Variants in EP400 observed in about 807,000 individuals in gnomAD.
EP400 encodes E1A-binding protein p400.
A neutral mutation model predicts 354.1 loss-of-function variants in EP400; 105 were observed. The observed-to-expected ratio is 0.30, with a 90% confidence interval of 0.25 to 0.35. The LOEUF (loss-of-function observed/expected upper bound fraction) is 0.35, where lower values mean the gene tolerates loss of function less well. EP400 is among the 10% of genes least tolerant of loss of function. The pLI, the probability that EP400 is intolerant of heterozygous loss-of-function variation, is 1.00. For synonymous variants in EP400, 1,646 were observed against 1,716.9 expected (o/e 0.96, Z 1.02); for missense variants, 3,280 against 4,121.0 (o/e 0.80, Z 5.59).
chr12:132,077,154 G>C (rs1296043952), intron 52 of EP400, among the ~76,000 whole-genome samples: 2 of 152,212 alleles, frequency 1.3e-5, no homozygotes, highest in African/African-American at 4.8e-5. Context: ...ATCAGTCCCT[G>C]ACCCAGCTCT....
chr12:132,009,830 A>ATTTTTTT (rs35513772), intron 15 of EP400, among the ~76,000 whole-genome samples: 1 of 79,722 alleles, frequency 1.3e-5, no homozygotes, highest in Non-Finnish European at 2.3e-5. Context: ...CGCCTGGCTA[A>ATTTTTTT]TTTTTTTTTT....
Position 131,981,487 on chromosome 12 carries a change from A to T in EP400, c.1436-2A>T. 1.3e-6 allele frequency: 2 copies of T among 1,562,432 alleles called. No individual in the cohort carries two copies. Among genetic ancestry groups the T allele is most frequent in the Non-Finnish European group, 1.7e-6 (2 of 1,152,368 alleles). ...CTGCACCTTTTTTGAAAATTATTCT[A>T]GAGCAGTCTAAGAGGCCTCGCCTTG... On this transcript the variant is annotated splice_acceptor_variant, in intron 3 of 52. Transcript: ENST00000389561. LOFTEE classifies it high-confidence loss of function.
Position 132,027,608 on chromosome 12 carries a change from A to C in EP400, c.5109+77A>C. Reference sequence around the variant, plus strand: ...GAGCTGCTCGTTGTGTTTGGTTGTGATATTTAAAGGCTCCTGTGAATTCTC... The same window carrying C: ...GAGCTGCTCGTTGTGTTTGGTTGTGCTATTTAAAGGCTCCTGTGAATTCTC... On this transcript the variant is annotated intron_variant, in intron 26 of 52. Transcript: ENST00000389561. This position sits in a 1 kb window ranked among gnomAD's most constrained non-coding sequence, Gnocchi z 4.9. 1 of 1,204,320 alleles carries C rather than the reference A, an allele frequency of 8.3e-7. No homozygotes were observed. The highest frequency in any genetic ancestry group is 1.2e-6 in the Non-Finnish European group (1 of 863,764). The allele number at this position is 1,204,320 out of a possible 1,614,324, so 74.6% of individuals were successfully genotyped here.
rs566656038 is a variant in EP400, at chr12:132,027,686, A to G, written c.5109+155A>G. Among the ~76,000 whole-genome samples, 1 of 152,384 alleles carries G rather than the reference A, an allele frequency of 6.6e-6. No individual in the cohort carries two copies. The highest frequency in any genetic ancestry group is 1.9e-4 in the East Asian group (1 of 5,190). ...AAACACACATTTTCTAATAAAATAAATGAAACTGGACTTACGACTGCCACA... is the reference window on the plus strand; with the variant it reads ...AAACACACATTTTCTAATAAAATAAGTGAAACTGGACTTACGACTGCCACA... On this transcript the variant is annotated intron_variant, in intron 26 of 52. Coordinates refer to ENST00000389561, the MANE Select transcript of EP400 (RefSeq NM_015409.5). The surrounding 1 kb of genome is among the most constrained non-coding windows in gnomAD (Gnocchi z 4.9).
At chr12:131,987,482 A>C (rs907158379) in intron 6 of EP400, among the ~76,000 whole-genome samples, 7 of 152,210 alleles carry the variant, frequency 4.6e-5, no homozygotes, top group Admixed American at 2.0e-4. Context: ...AGCTTCTTCT[A>C]AGGCTCCTGG....
chr12:132,077,507 T>C lies in EP400; in HGVS notation c.9206T>C (p.Ile3069Thr), dbSNP rs1010678966. 3.1e-6 allele frequency: 5 copies of C among 1,613,710 alleles called. No homozygotes were observed. The highest frequency in any genetic ancestry group is 1.3e-5 in the African/African-American group (1 of 74,930). ...ATAQVVQQKL[I>T]QQQVVTTASA... ...GCCCAGGTGGTTCAGCAGAAACTCA[T>C]TCAGCAGCAGGTGGTGACCACGGCG... Residue 3069 changes from isoleucine to threonine, a missense_variant, in exon 53 of 53, where the codon ATT becomes ACT. Around this residue, in one of 20 missense-constraint regions of EP400, gnomAD observed 279 missense variants for 386.7 expected, o/e 0.72. Transcript: ENST00000389561.
At chr12:132,021,344 G>T in intron 23 of EP400, 23 bp downstream of exon 23, 1 of 1,493,708 alleles carries the variant, frequency 6.7e-7, no homozygotes. Context: ...ACCTTTCCAG[G>T]TTTCTGCCAT....
intron 19 of EP400, among the ~76,000 whole-genome samples, chr12:132,014,723 C>T (rs1196991170): frequency 6.6e-6 from 1 of 152,200 alleles, no homozygotes; most frequent in Non-Finnish European, 1.5e-5. Context: ...GTCAGACACA[C>T]TGGATCAGGT....
rs765821503 is a variant in EP400 at position 131,960,763 on chromosome 12, G to C, written c.144G>C (p.Pro48=). ...CTCCCTTCGCTCCCTCAGCAAGCCC[G>C]TCGGCACCCCAGTCTCCCAGTTATC... ...PAAPFAPSAS[P]SAPQSPSYQI... is the part of the protein sequence containing the mutation. Residue 48 remains proline (P), a synonymous_variant, in exon 2 of 53, where the codon CCG becomes CCC. Transcript: ENST00000389561. 2 of 1,268,086 alleles carry C rather than the reference G, an allele frequency of 1.6e-6. No homozygotes were observed. The highest frequency in any genetic ancestry group is 4.8e-5 in the Admixed American group (2 of 41,862). 78.6% of individuals were successfully genotyped at this position (1,268,086 alleles called of 1,614,324 possible).
At position 132,069,490 on chromosome 12, in the gene EP400, C is replaced by T; in HGVS notation, c.8875-5C>T. The T allele has an allele frequency of 6.2e-7, 1 of 1,613,942 alleles. No homozygotes were observed. The highest frequency in any genetic ancestry group is 8.5e-7 in the Non-Finnish European group (1 of 1,179,856). ...TGCGGCCCTAATTTCGCAGTCTCTCCCCAGATCACCGCACAGCAGATCACC... is the reference window on the plus strand; with the variant it reads ...TGCGGCCCTAATTTCGCAGTCTCTCTCCAGATCACCGCACAGCAGATCACC... On this transcript the variant is annotated splice_region_variant and splice_polypyrimidine_tract_variant and intron_variant, in intron 50 of 52. Transcript: ENST00000389561.
At chr12:132,008,169 A>C (rs934342287) in intron 15 of EP400, among the ~76,000 whole-genome samples, 2 of 152,120 alleles carry the variant, frequency 1.3e-5, no homozygotes, top group East Asian at 3.9e-4. Context: ...GCTGGTCTCG[A>C]ACTCCCAACC....
chr12:132,021,012 G>A lies in EP400; in HGVS notation c.4448-67G>A. 6 of 1,470,738 alleles carry A rather than the reference G, an allele frequency of 4.1e-6. No homozygotes were observed. The South Asian group carries it at 8.4e-5, about 21-fold the overall frequency. The allele number at this position is 1,470,738 out of a possible 1,614,324, so 91.1% of individuals were successfully genotyped here. A position where few individuals can be genotyped will look rare whatever the true frequency, so the allele number is the denominator to read the frequency against. On this transcript the variant is annotated intron_variant, in intron 22 of 52. Transcript: ENST00000389561. ...GTTTATTTTATTTCTTTAAAATTCA[G>A]TTTAAAATATTGTATTTTATTAAGA... is the stretch of plus-strand genomic sequence containing the variant.
At chr12:132,014,668 C>A (rs1277541535) in intron 19 of EP400, among the ~76,000 whole-genome samples, 1 of 152,164 alleles carries the variant, frequency 6.6e-6, no homozygotes, top group Non-Finnish European at 1.5e-5. Flanking sequence ...GCAGGGTTAC[C>A]CCCTACCCCG....
chr12:132,046,499 A>G (rs1245367455), intron 39 of EP400, among the ~76,000 whole-genome samples: 3 of 152,226 alleles, frequency 2.0e-5, no homozygotes, highest in East Asian at 1.9e-4. Context: ...GCTGGCTGCA[A>G]TGGTTTGACA....
intron 30 of EP400, among the ~76,000 whole-genome samples, chr12:132,033,743 G>A (rs977828899): frequency 3.9e-5 from 6 of 151,928 alleles, no homozygotes; most frequent in African/African-American, 1.5e-4. Context: ...TGTTGCCCAG[G>A]CTGGTCCCAA....
chr12:132,008,012 G>T (rs186888132), intron 15 of EP400, among the ~76,000 whole-genome samples: 5 of 151,956 alleles, frequency 3.3e-5, no homozygotes, highest in African/African-American at 1.2e-4. Flanking sequence ...GTAATGGCAC[G>T]ATCTTGGCTC....
chr12:132,067,418 C>A lies in EP400; in HGVS notation c.8806C>A (p.Gln2936Lys), dbSNP rs765863292. 6.2e-7 allele frequency: 1 copy of A among 1,613,502 alleles called. No individual in the cohort carries two copies. The highest frequency in any genetic ancestry group is 1.1e-5 in the South Asian group (1 of 91,068). ...HMQQLLKLKQ[Q>K]AVQQQKAIQP... ...GCAGCAGCTGCTGAAGCTGAAGCAG[C>A]AGGCCGTCCAGCAGCAGAAGGCCAT... The change falls in exon 50 of 53, where the codon CAG (glutamine) becomes AAG (lysine). Residue 2936 changes from glutamine (Q) to lysine (K), a missense_variant. Around this residue, in one of 20 missense-constraint regions of EP400, gnomAD observed 279 missense variants for 386.7 expected, o/e 0.72. Transcript: ENST00000389561. This position sits in a 1 kb window ranked among gnomAD's most constrained non-coding sequence, Gnocchi z 5.3.
At chr12:131,963,350 G>T (rs1462337376) in intron 2 of EP400, among the ~76,000 whole-genome samples, 3 of 152,210 alleles carry the variant, frequency 2.0e-5, no homozygotes, top group Non-Finnish European at 4.4e-5. Flanking sequence ...AAGGTTTGCA[G>T]TTTGAGTTAG....
At chr12:132,026,667 C>T (rs950824788) in intron 25 of EP400, among the ~76,000 whole-genome samples, 17 of 152,138 alleles carry the variant, frequency 1.1e-4, no homozygotes, top group African/African-American at 3.4e-4. Flanking sequence ...AGTCACTGTC[C>T]CGTGGAAGCC....
Sources: allele counts gnomAD v4.1 joint callset (sites outside exome capture counted in the v4.1 genomes callset), GRCh38; gene constraint gnomAD v4.1.1; regional missense constraint gnomAD v4.1.1; non-coding constraint Gnocchi (gnomAD v3.1); transcripts MANE v1.5; gene names NCBI Gene and HGNC (gene_info 2026-07-23, HGNC 2026-07-21).